The following ASF1B variants were observed in gnomAD, a reference collection of about 807,000 sequenced individuals.
The protein encoded by ASF1B is histone chaperone ASF1B.
A neutral mutation model predicts 16.6 loss-of-function variants in ASF1B; 10 were observed. That is an observed-to-expected ratio of 0.60 (90% CI 0.37 to 1.02). The LOEUF is 1.02. Ranked by LOEUF, ASF1B falls within the 50% of genes least tolerant of loss-of-function variation. The pLI is 0.01. For missense variants in ASF1B, 240 were observed against 266.0 expected (o/e 0.90, Z 0.68); for synonymous variants, 101 against 106.2 (o/e 0.95, Z 0.30).
At chr19:14,127,610 C>T (rs910197997) in intron 1 of ASF1B, among the ~76,000 whole-genome samples, 4 of 151,914 alleles carry the variant, frequency 2.6e-5, no homozygotes, top group African/African-American at 9.7e-5. Flanking sequence ...GCAACTCAGT[C>T]AACAAATGTG....
Position 14,119,767 on chromosome 19 carries a change from T to G in ASF1B, c.*692A>C, listed in dbSNP as rs1255666804. ...CCCTGACCCTGGCCCGGAGACAGAC[T>G]GCCCAGGCAGGCCCTCTGATACCAT... On this transcript the variant is annotated 3_prime_UTR_variant, in exon 4 of 4. Coordinates refer to ENST00000263382, the MANE Select transcript of ASF1B (RefSeq NM_018154.3). The G allele has an allele frequency of 6.6e-6, 1 of 152,648 alleles. No homozygotes were observed. Among genetic ancestry groups the G allele is most frequent in the African/African-American group, 2.4e-5 (1 of 41,442 alleles). The allele number at this position is 152,648 out of a possible 1,614,324, so 9.5% of individuals were successfully genotyped here.
intron 1 of ASF1B, among the ~76,000 whole-genome samples, chr19:14,131,371 C>T (rs1375243164): frequency 1.3e-5 from 2 of 150,930 alleles, no homozygotes; most frequent in South Asian, 4.2e-4. Flanking sequence ...TTAGTAGAGC[C>T]GGGGTTTCAC....
chr19:14,125,263 G>A (rs1318094206), intron 2 of ASF1B, among the ~76,000 whole-genome samples: 4 of 152,100 alleles, frequency 2.6e-5, no homozygotes, highest in Non-Finnish European at 5.9e-5. Context: ...CATCATAGCC[G>A]TCCTGGTGTC....
chr19:14,136,316 G>C (rs751789794), intron 1 of ASF1B, 32 bp downstream of exon 1: 1 of 1,593,060 alleles, frequency 6.3e-7, no homozygotes, highest in Non-Finnish European at 8.6e-7. Flanking sequence ...GTCGGCCCGG[G>C]GGTGGGGGTC....
chr19:14,129,201 C>T (rs964415691), intron 1 of ASF1B, among the ~76,000 whole-genome samples: 2 of 152,092 alleles, frequency 1.3e-5, no homozygotes, highest in Non-Finnish European at 2.9e-5. Flanking sequence ...CTGCAGTGAG[C>T]CATGATCGAG....
At position 14,136,536 on chromosome 19, in the gene ASF1B, G is replaced by A. The variant is rs1967506718; in HGVS notation, c.-80C>T. The A allele has an allele frequency of 6.5e-6, 8 of 1,234,818 alleles. No individual in the cohort carries two copies. Among genetic ancestry groups the A allele is most frequent in the South Asian group, 1.3e-5 (1 of 74,554 alleles). The allele number at this position is 1,234,818 out of a possible 1,614,324, so 76.5% of individuals were successfully genotyped here. ...CGCGCCTGGGTCCGGTGGGGTCAGTGGGGTAGGGCTGACCAGGTCCACTCC... is the reference window on the plus strand; with the variant it reads ...CGCGCCTGGGTCCGGTGGGGTCAGTAGGGTAGGGCTGACCAGGTCCACTCC... On this transcript the variant is annotated 5_prime_UTR_variant, in exon 1 of 4. Transcript: ENST00000263382.
chr19:14,127,641 A>G lies in ASF1B; in HGVS notation c.110-1404T>C, dbSNP rs147673419. ...ATGTGGCATCCCGGGGTGATCCTCC[A>G]AACACTTTTTTTTTTTGACAGTTTC... On this transcript the variant is annotated intron_variant, in intron 1 of 3. Transcript: ENST00000263382. Among the ~76,000 whole-genome samples, 3 of 144,972 alleles carry G rather than the reference A, an allele frequency of 2.1e-5. No individual in the cohort carries two copies. In the East Asian group the frequency reaches 5.8e-4, roughly 28 times the overall value.
rs28397715 is a variant in ASF1B at position 14,134,994 on chromosome 19, C to T, written c.109+1354G>A. On this transcript the variant is annotated intron_variant, in intron 1 of 3. Coordinates refer to ENST00000263382, the MANE Select transcript of ASF1B (RefSeq NM_018154.3). Reference sequence around the variant, plus strand: ...ATCCCAGCACTTTGGGAGGCCAAGGCGGGTGGATCACTTGAGGTCAGGAGT... The same window carrying T: ...ATCCCAGCACTTTGGGAGGCCAAGGTGGGTGGATCACTTGAGGTCAGGAGT... Among the ~76,000 whole-genome samples the T allele has an allele frequency of 2.8e-3, 418 of 151,602 alleles. 1 individual carries two copies. The highest frequency in any genetic ancestry group is 9.6e-3 in the African/African-American group (399 of 41,396).
Position 14,136,543 on chromosome 19 carries a change from G to A in ASF1B, c.-87C>T, listed in dbSNP as rs904084424. On this transcript the variant is annotated 5_prime_UTR_variant, in exon 1 of 4. Transcript: ENST00000263382. Reference sequence around the variant, plus strand: ...GGGTCCGGTGGGGTCAGTGGGGTAGGGCTGACCAGGTCCACTCCCGCCTCT... The same window carrying A: ...GGGTCCGGTGGGGTCAGTGGGGTAGAGCTGACCAGGTCCACTCCCGCCTCT... 4.5e-6 allele frequency: 5 copies of A among 1,100,390 alleles called. No individual in the cohort carries two copies. In the African/African-American group the frequency reaches 7.8e-5, roughly 17 times the overall value. 68.2% of individuals were successfully genotyped at this position (1,100,390 alleles called of 1,614,324 possible). A position where few individuals can be genotyped will look rare whatever the true frequency, so the allele number is the denominator to read the frequency against.
At chr19:14,127,025 G>A (rs1365804244) in intron 1 of ASF1B, among the ~76,000 whole-genome samples, 4 of 152,224 alleles carry the variant, frequency 2.6e-5, no homozygotes, top group South Asian at 2.1e-4. Flanking sequence ...GGGCTCAAGC[G>A]ATCCTCCTGC....
intron 1 of ASF1B, among the ~76,000 whole-genome samples, chr19:14,133,104 A>T (rs1489638603): frequency 2.0e-5 from 3 of 150,854 alleles, no homozygotes; most frequent in African/African-American, 7.4e-5. Flanking sequence ...TGGGTGACAC[A>T]GCGAGACTCC....
intron 1 of ASF1B, 58 bp from the exon 2 acceptor site, chr19:14,126,295 A>T: frequency 7.4e-6 from 9 of 1,220,236 alleles, no homozygotes; most frequent in Non-Finnish European, 9.5e-6. Context: ...GAAGGCAGGG[A>T]TAGGCTCTTG....
intron 1 of ASF1B, among the ~76,000 whole-genome samples, chr19:14,127,204 A>G (rs1967331738): frequency 6.6e-6 from 1 of 152,254 alleles, no homozygotes; most frequent in African/African-American, 2.4e-5. Flanking sequence ...CTCTACCTCC[A>G]TTAGGGAATT....
intron 1 of ASF1B, among the ~76,000 whole-genome samples, chr19:14,135,100 T>A (rs2144522383): frequency 6.6e-6 from 1 of 151,310 alleles, no homozygotes; most frequent in Admixed American, 6.6e-5. Context: ...GACAGGCGCC[T>A]GTAGTCCCAG....
rs1187072239 is a variant in ASF1B at position 14,119,968 on chromosome 19, G to T, written c.*491C>A. 1 of 154,632 alleles carries T rather than the reference G, an allele frequency of 6.5e-6. No individual in the cohort carries two copies. The highest frequency in any genetic ancestry group is 2.4e-5 in the African/African-American group (1 of 41,468). 9.6% of individuals were successfully genotyped at this position (154,632 alleles called of 1,614,324 possible). ...ATCTTCCTGGGAGCAGGACAGAAAT[G>T]GGATCTAAGTCTACCTACTAACTAA... On this transcript the variant is annotated 3_prime_UTR_variant, in exon 4 of 4. Coordinates refer to ENST00000263382, the MANE Select transcript of ASF1B (RefSeq NM_018154.3).
chr19:14,136,174 G>A (rs896057863), intron 1 of ASF1B, among the ~76,000 whole-genome samples, 174 bp downstream of exon 1: 1 of 150,188 alleles, frequency 6.7e-6, no homozygotes, highest in African/African-American at 2.5e-5. Flanking sequence ...TTGGCTGGTG[G>A]CGGGGGGTCT....
intron 3 of ASF1B, among the ~76,000 whole-genome samples, chr19:14,121,124 G>A (rs957152949): frequency 1.3e-5 from 2 of 150,840 alleles, no homozygotes; most frequent in African/African-American, 2.5e-5. Context: ...GCCTGGCCCA[G>A]GACTTTTTTT....
At chr19:14,129,317 T>G (rs1003304256) in intron 1 of ASF1B, among the ~76,000 whole-genome samples, 10 of 152,066 alleles carry the variant, frequency 6.6e-5, no homozygotes, top group Non-Finnish European at 1.3e-4. Flanking sequence ...GAAATGGCTC[T>G]TTCAACCAGG....
chr19:14,133,826 C>G (rs1382267971), intron 1 of ASF1B, among the ~76,000 whole-genome samples: 1 of 91,800 alleles, frequency 1.1e-5, no homozygotes, highest in South Asian at 3.8e-4. Context: ...TTTTTTGAGA[C>G]GGAGTCTCGC....
Sources: gnomAD v4.1 joint callset for allele counts (sites outside exome capture counted in the v4.1 genomes callset) on GRCh38, gnomAD v4.1.1 for gene constraint, MANE v1.5 for transcripts, NCBI Gene and HGNC (gene_info 2026-07-23, HGNC 2026-07-21) for gene names.